SPECC1: variants seen among roughly 807,000 people sequenced by gnomAD.
SPECC1 encodes the protein cytospin-B.
SPECC1 carries 62 observed loss-of-function variants against 104.1 expected under a neutral mutation model. The ratio of observed to expected loss-of-function variants is 0.60; its 90% confidence interval spans 0.49 to 0.74. The LOEUF is 0.74. Among genes scored for constraint, SPECC1 ranks in the 30% least tolerant of loss-of-function variants. The probability of loss-of-function intolerance (pLI) is 0.00; values close to 1 mark genes in which losing one functional copy is unlikely to be tolerated. For missense variants in SPECC1, 1,306 were observed against 1,310.5 expected (o/e 1.00, Z 0.05); for synonymous variants, 513 against 501.6 (o/e 1.02, Z -0.30).
At chr17:20,091,979 C>G (rs940202914) in intron 1 of SPECC1, among the ~76,000 whole-genome samples, 19 of 152,198 alleles carry the variant, frequency 1.2e-4, no homozygotes, top group African/African-American at 4.6e-4. Context: ...TTTCAGGGAG[C>G]AGGAGACGTG....
intron 3 of SPECC1, chr17:20,156,110 C>T (rs2032471585): frequency 1.5e-6 from 2 of 1,364,524 alleles, no homozygotes; most frequent in East Asian, 3.1e-5. Flanking sequence ...GACGCAACCG[C>T]CTCGCCAGCC....
intron 1 of SPECC1, among the ~76,000 whole-genome samples, chr17:20,059,423 G>T (rs1353518385): frequency 6.6e-6 from 1 of 152,130 alleles, no homozygotes; most frequent in African/African-American, 2.4e-5. Flanking sequence ...AGGTGGTAAT[G>T]CTCGCTTGCC....
At chr17:20,112,657 G>T in intron 3 of SPECC1, 2 of 928,568 alleles carry the variant, frequency 2.2e-6, no homozygotes, top group Non-Finnish European at 3.6e-6. Flanking sequence ...AGGGAGTCAA[G>T]ACACTCTGTT....
At position 20,204,779 on chromosome 17, in the gene SPECC1, G is replaced by T; in HGVS notation, c.730G>T (p.Glu244Ter). Residue 244 changes from glutamate to a stop codon, truncating the protein, a stop_gained, in exon 4 of 15, where the codon GAG (glutamate) becomes TAG (stop). Coordinates refer to ENST00000395527, the MANE Select transcript of SPECC1 (RefSeq NM_001243439.2). LOFTEE classifies it high-confidence loss of function. ...CTTTCAGAAAGAGCTTTCCGATCTAGAGGAAGAAAACCGGGTCCTGAAGGA... is the reference window on the plus strand; with the variant it reads ...CTTTCAGAAAGAGCTTTCCGATCTATAGGAAGAAAACCGGGTCCTGAAGGA... ...KNFQKELSDL[E>*]EENRVLKEKL... 1.9e-6 allele frequency: 3 copies of T among 1,614,112 alleles called. No individual in the cohort carries two copies. The highest frequency in any genetic ancestry group is 2.5e-6 in the Non-Finnish European group (3 of 1,180,032).
At position 20,318,598 on chromosome 17, in the gene SPECC1, C is replaced by T; in HGVS notation, c.*4533C>T. On this transcript the variant is annotated 3_prime_UTR_variant, in exon 15 of 15. Coordinates refer to ENST00000395527, the MANE Select transcript of SPECC1 (RefSeq NM_001243439.2). The stretch of plus-strand genomic sequence containing the variant: ...AGCTTGTGGAGATGGAGGACTCGGG[C>T]CCATAGATGCAGACCCCCTACCAAA... 4.4e-6 allele frequency: 1 copy of T among 229,284 alleles called. No homozygotes were observed. The highest frequency in any genetic ancestry group is 1.8e-4 in the South Asian group (1 of 5,484). The allele number at this position is 229,284 out of a possible 1,614,324, so 14.2% of individuals were successfully genotyped here. A position where few individuals can be genotyped will look rare whatever the true frequency, so the allele number is the denominator to read the frequency against.
intron 1 of SPECC1, among the ~76,000 whole-genome samples, chr17:20,021,603 T>G (rs2152433795): frequency 6.6e-6 from 1 of 150,680 alleles, no homozygotes; most frequent in Non-Finnish European, 1.5e-5. Flanking sequence ...CAGATTGCTG[T>G]CAAGGGTGGC....
chr17:20,297,018 C>T lies in SPECC1; in HGVS notation c.2998C>T (p.Leu1000=). The T allele has an allele frequency of 1.2e-6, 2 of 1,614,224 alleles. No homozygotes were observed. The highest frequency in any genetic ancestry group is 1.7e-6 in the Non-Finnish European group (2 of 1,180,040). ...GAGCGATGGCCTGGCCTTCTGTGCT[C>T]TGCTCCACACCTACCTGCCTGCCCA... ...SWSDGLAFCA[L]LHTYLPAHIP... Residue 1000 remains leucine (L), a synonymous_variant, in exon 13 of 15, where the codon CTG becomes TTG. Transcript: ENST00000395527.
At chr17:20,088,576 A>G (rs1167896878) in intron 1 of SPECC1, among the ~76,000 whole-genome samples, 2 of 152,182 alleles carry the variant, frequency 1.3e-5, no homozygotes, top group Admixed American at 1.3e-4. Flanking sequence ...GCCTAAAAGG[A>G]GGGGATAAAA....
rs1471920130 is a variant in SPECC1, at chr17:20,247,217, AG to A, written c.2498del. On this transcript the variant is annotated splice_acceptor_variant, in intron 8 of 14. Transcript: ENST00000395527. LOFTEE classifies it high-confidence loss of function. ...AAATGTTCCCATGTTTTTTCTTGGC[AG>A]GTGGAGCTGGACAGAATATTTCTGT... The A allele has an allele frequency of 6.2e-7, 1 of 1,607,792 alleles. No homozygotes were observed. The highest frequency in any genetic ancestry group is 2.2e-5 in the East Asian group (1 of 44,824).
At chr17:20,173,571 G>C (rs1301225980) in intron 3 of SPECC1, among the ~76,000 whole-genome samples, 1 of 152,166 alleles carries the variant, frequency 6.6e-6, no homozygotes, top group African/African-American at 2.4e-5. Flanking sequence ...CAACCATAAA[G>C]GAATGGCGAA....
intron 4 of SPECC1, among the ~76,000 whole-genome samples, chr17:20,214,855 G>T (rs2037386219): frequency 6.6e-6 from 1 of 152,194 alleles, no homozygotes; most frequent in African/African-American, 2.4e-5. Context: ...GCTCAGTAGG[G>T]TCAGGTGACT....
At chr17:20,210,255 G>A (rs994719546) in intron 4 of SPECC1, among the ~76,000 whole-genome samples, 1 of 152,212 alleles carries the variant, frequency 6.6e-6, no homozygotes, top group Admixed American at 6.5e-5. Context: ...TCCAGGTGAT[G>A]TATTGATATA....
intron 3 of SPECC1, among the ~76,000 whole-genome samples, chr17:20,126,647 C>T (rs1358603811): frequency 6.6e-6 from 1 of 152,200 alleles, no homozygotes; most frequent in East Asian, 1.9e-4. Flanking sequence ...CTTTTGTCTC[C>T]TCCATTCCAG....
chr17:20,279,612 G>A (rs1291560879), intron 12 of SPECC1, among the ~76,000 whole-genome samples: 3 of 152,176 alleles, frequency 2.0e-5, no homozygotes, highest in Non-Finnish European at 4.4e-5. Context: ...ATGAGCCACC[G>A]CGCCCAGCCT....
At chr17:20,137,123 C>T (rs923359884) in intron 3 of SPECC1, among the ~76,000 whole-genome samples, 1 of 152,224 alleles carries the variant, frequency 6.6e-6, no homozygotes, top group South Asian at 2.1e-4. Flanking sequence ...GATTTCTGCC[C>T]ACTCCTGTTT....
chr17:20,188,180 T>A (rs1439071534), intron 3 of SPECC1, among the ~76,000 whole-genome samples: 1 of 152,076 alleles, frequency 6.6e-6, no homozygotes, highest in African/African-American at 2.4e-5. Flanking sequence ...GAATGAAAAA[T>A]TAGGTTATAT....
At chr17:20,051,951 C>G (rs1028456707) in intron 1 of SPECC1, among the ~76,000 whole-genome samples, 1 of 152,178 alleles carries the variant, frequency 6.6e-6, no homozygotes, top group Non-Finnish European at 1.5e-5. Context: ...CCTAACCTCT[C>G]TGACCCCCAT....
At chr17:20,081,661 A>G (rs2046979315) in intron 1 of SPECC1, among the ~76,000 whole-genome samples, 2 of 152,088 alleles carry the variant, frequency 1.3e-5, no homozygotes, top group Non-Finnish European at 1.5e-5. Flanking sequence ...GGGTGGTGGC[A>G]TCTGGAAGAT....
chr17:20,237,136 T>C, intron 7 of SPECC1: 2 of 1,375,808 alleles, frequency 1.5e-6, no homozygotes, highest in Non-Finnish European at 1.9e-6. Context: ...AAGATTGAGC[T>C]GTCTTTTATT....
Sources: gnomAD v4.1 joint callset for allele counts (sites outside exome capture counted in the v4.1 genomes callset) on GRCh38, gnomAD v4.1.1 for gene constraint, MANE v1.5 for transcripts, NCBI Gene and HGNC (gene_info 2026-07-23, HGNC 2026-07-21) for gene names.